Variants in PDZD2 observed in about 807,000 individuals in gnomAD.
PDZD2 encodes the protein PDZ domain containing 2.
A neutral mutation model predicts 220.7 loss-of-function variants in PDZD2; 90 were observed. That is an observed-to-expected ratio of 0.41 (90% CI 0.34 to 0.49). The LOEUF is 0.49. Among genes scored for constraint, PDZD2 ranks in the 20% least tolerant of loss-of-function variants. The pLI, the probability that PDZD2 is intolerant of heterozygous loss-of-function variation, is 0.28. For missense variants in PDZD2, 3,174 were observed against 3,608.5 expected, an observed-to-expected ratio of 0.88 and a Z score of 3.08; for synonymous variants, 1,375 against 1,450.5, an observed-to-expected ratio of 0.95 and a Z score of 1.18.
intron 1 of PDZD2, among the ~76,000 whole-genome samples, chr5:31,644,808 A>G (rs894974572): frequency 6.6e-6 from 1 of 152,244 alleles, no homozygotes; most frequent in Admixed American, 6.5e-5. Context: ...TTATGAAGCC[A>G]TTGAATGAAA....
At chr5:31,870,138 G>A (rs1738651490) in intron 2 of PDZD2, among the ~76,000 whole-genome samples, 7 of 152,138 alleles carry the variant, frequency 4.6e-5, no homozygotes, top group Admixed American at 3.9e-4. Flanking sequence ...GAGTTCCCTA[G>A]CTCTAGCTTG....
At chr5:31,850,857 T>C (rs1758019431) in intron 2 of PDZD2, among the ~76,000 whole-genome samples, 2 of 152,138 alleles carry the variant, frequency 1.3e-5, no homozygotes, top group Non-Finnish European at 1.5e-5. Context: ...AGGATGGTCT[T>C]GATCTCCTGA....
chr5:31,664,126 A>G (rs1745886976), intron 1 of PDZD2, among the ~76,000 whole-genome samples: 1 of 152,154 alleles, frequency 6.6e-6, no homozygotes, highest in Non-Finnish European at 1.5e-5. Context: ...TATTAGGGTA[A>G]TGATAGTTGC....
chr5:31,884,943 G>A (rs897254876), intron 2 of PDZD2, among the ~76,000 whole-genome samples: 23 of 151,920 alleles, frequency 1.5e-4, no homozygotes, highest in Non-Finnish European at 4.4e-5. Context: ...GTGCCTGGCC[G>A]GCCACTATAT....
At chr5:31,964,851 G>A (rs957402170) in intron 2 of PDZD2, among the ~76,000 whole-genome samples, 1 of 152,150 alleles carries the variant, frequency 6.6e-6, no homozygotes, top group African/African-American at 2.4e-5. Context: ...GAGGAGCTGG[G>A]ACTACAGGCA....
rs542655109 is a variant in PDZD2, at chr5:31,919,507, C to T, written c.477-63648C>T. Among the ~76,000 whole-genome samples, 3 of 152,070 alleles carry T rather than the reference C, an allele frequency of 2.0e-5. No homozygotes were observed. The South Asian group carries it at 6.2e-4, about 32-fold the overall frequency. On this transcript the variant is annotated intron_variant, in intron 2 of 24. Transcript: ENST00000438447. ...GATTACAGGCACACGCCACCACGCC[C>T]AGCTAATTTTTGTATTTTTGGTAGA...
intron 2 of PDZD2, among the ~76,000 whole-genome samples, chr5:31,931,854 G>C (rs1745319849): frequency 6.6e-6 from 1 of 152,008 alleles, no homozygotes; most frequent in South Asian, 2.1e-4. Context: ...GAGGGTGTGT[G>C]AACTCCAGGA....
intron 1 of PDZD2, among the ~76,000 whole-genome samples, chr5:31,713,158 T>C (rs1748226284): frequency 6.6e-6 from 1 of 152,224 alleles, no homozygotes; most frequent in Admixed American, 6.5e-5. Flanking sequence ...CTGACCATGC[T>C]CTGGTCTCAC....
chr5:32,072,398 CA>C (rs1490154044), intron 17 of PDZD2, 81 bp downstream of exon 17: 6 of 1,170,478 alleles, frequency 5.1e-6, no homozygotes, highest in Non-Finnish European at 7.2e-6. Context: ...CTGGCGGCTA[CA>C]ATGGTTTAGC....
At chr5:31,676,455 G>A (rs1746421567) in intron 1 of PDZD2, among the ~76,000 whole-genome samples, 1 of 149,714 alleles carries the variant, frequency 6.7e-6, no homozygotes. Flanking sequence ...GAAGGCCAGA[G>A]AGATTGGGGT....
At chr5:32,028,883 A>G (rs1045966900) in intron 6 of PDZD2, among the ~76,000 whole-genome samples, 6 of 152,042 alleles carry the variant, frequency 3.9e-5, no homozygotes, top group Non-Finnish European at 4.4e-5. Context: ...GGGTTTCACC[A>G]GGTTGGCCAG....
chr5:31,662,092 C>A (rs1452633421), intron 1 of PDZD2, among the ~76,000 whole-genome samples: 1 of 152,026 alleles, frequency 6.6e-6, no homozygotes, highest in Non-Finnish European at 1.5e-5. Context: ...GGGCAGATCA[C>A]CTGAGGTTAG....
chr5:31,682,840 C>T (rs1199024997), intron 1 of PDZD2, among the ~76,000 whole-genome samples: 1 of 151,960 alleles, frequency 6.6e-6, no homozygotes, highest in African/African-American at 2.4e-5. Context: ...CTTTTGTATC[C>T]TCCACCCCTC....
At chr5:31,996,744 G>A (rs2111973268) in intron 4 of PDZD2, among the ~76,000 whole-genome samples, 1 of 152,264 alleles carries the variant, frequency 6.6e-6, no homozygotes, top group African/African-American at 2.4e-5. Flanking sequence ...AGCTGGTCAT[G>A]GTGGCACACT....
At chr5:31,803,424 G>A (rs1485906036) in intron 2 of PDZD2, among the ~76,000 whole-genome samples, 3 of 151,866 alleles carry the variant, frequency 2.0e-5, no homozygotes, top group Non-Finnish European at 2.9e-5. Flanking sequence ...CTTTATTGAG[G>A]TTTTCATGGG....
At chr5:31,825,802 C>T (rs1355944313) in intron 2 of PDZD2, among the ~76,000 whole-genome samples, 1 of 152,174 alleles carries the variant, frequency 6.6e-6, no homozygotes, top group Non-Finnish European at 1.5e-5. Flanking sequence ...ATGCTAACCA[C>T]GGTGCTGCTT....
chr5:31,994,659 G>A (rs920385746), intron 3 of PDZD2, among the ~76,000 whole-genome samples: 10 of 151,880 alleles, frequency 6.6e-5, no homozygotes, highest in Non-Finnish European at 1.3e-4. Flanking sequence ...CTAATTTGTT[G>A]TATTTTTTGT....
chr5:32,061,079 G>GT lies in PDZD2; in HGVS notation c.2397dup (p.Lys800Ter). 1 of 1,614,128 alleles carries GT rather than the reference G, an allele frequency of 6.2e-7. No individual in the cohort carries two copies. The highest frequency in any genetic ancestry group is 8.5e-7 in the Non-Finnish European group (1 of 1,179,996). On this transcript the variant is annotated frameshift_variant, in exon 14 of 25. Coordinates refer to ENST00000438447, the MANE Select transcript of PDZD2 (RefSeq NM_178140.4). LOFTEE classifies it high-confidence loss of function. Reference sequence around the variant, plus strand: ...TTAAGCAAAGTCCACGCCATCTTGAGTAAATGCCCTCCAGGACCCGTTCGC... The same window carrying GT: ...TTAAGCAAAGTCCACGCCATCTTGAGTTAAATGCCCTCCAGGACCCGTTCGC...
chr5:31,811,346 T>C (rs748284489), intron 2 of PDZD2, among the ~76,000 whole-genome samples: 13 of 152,228 alleles, frequency 8.5e-5, no homozygotes, highest in Non-Finnish European at 1.6e-4. Flanking sequence ...ATTGTATGGA[T>C]CTCTTATCTT....
Sources: allele counts gnomAD v4.1 joint callset (sites outside exome capture counted in the v4.1 genomes callset), GRCh38; gene constraint gnomAD v4.1.1; transcripts MANE v1.5; gene names NCBI Gene and HGNC (gene_info 2026-07-23, HGNC 2026-07-21).